The following JAKMIP1 variants were observed in gnomAD, a reference collection of about 807,000 sequenced individuals.
JAKMIP1 encodes the protein janus kinase and microtubule-interacting protein 1.
A neutral mutation model predicts 113.0 loss-of-function variants in JAKMIP1; 33 were observed. That is an observed-to-expected ratio of 0.29 (90% CI 0.22 to 0.39). The LOEUF (loss-of-function observed/expected upper bound fraction) is 0.39, where lower values mean the gene tolerates loss of function less well. Among genes scored for constraint, JAKMIP1 ranks in the 10% least tolerant of loss-of-function variants. The pLI, the probability that JAKMIP1 is intolerant of heterozygous loss-of-function variation, is 1.00. For synonymous variants in JAKMIP1, 480 were observed against 459.9 expected (o/e 1.04, Z -0.56); for missense variants, 813 against 1,080.5 (o/e 0.75, Z 3.47).
chr4:6,180,633 C>T lies in JAKMIP1; in HGVS notation c.-148+19620G>A, dbSNP rs1258470365. 6.6e-6 allele frequency among the ~76,000 whole-genome samples: 1 copy of T among 152,084 alleles called. No homozygotes were observed. The highest frequency in any genetic ancestry group is 2.4e-5 in the African/African-American group (1 of 41,396). ...TCCAAATTACCTAGTATTCTGCAGC[C>T]CTGTGACAAGGGTATTCTTAGTACC... On this transcript the variant is annotated intron_variant, in intron 1 of 20. Coordinates refer to ENST00000409021, the MANE Select transcript of JAKMIP1 (RefSeq NM_001099433.2). The surrounding 1 kb of genome is among the most constrained non-coding windows in gnomAD (Gnocchi z 4.5).
At position 6,159,088 on chromosome 4, in the gene JAKMIP1, C is replaced by CAAAAA. The variant is rs111279741; in HGVS notation, c.-148+41160_-148+41164dup. On this transcript the variant is annotated intron_variant, in intron 1 of 20. Coordinates refer to ENST00000409021, the MANE Select transcript of JAKMIP1 (RefSeq NM_001099433.2). ...TGGGTGACAGAGCAAGATCCTGTCTCAAAAAAAAAAAAAATTAATAAAAAA... is the reference window on the plus strand; with the variant it reads ...TGGGTGACAGAGCAAGATCCTGTCTCAAAAAAAAAAAAAAAAAAATTAATAAAAAA... 5.7e-3 allele frequency among the ~76,000 whole-genome samples: 812 copies of CAAAAA among 143,550 alleles called. 2 individuals are homozygous for CAAAAA. The highest frequency in any genetic ancestry group is 8.8e-3 in the South Asian group (39 of 4,422). 94.2% of individuals were successfully genotyped at this position (143,550 alleles called of 152,430 possible).
intron 1 of JAKMIP1, among the ~76,000 whole-genome samples, chr4:6,173,411 T>C (rs1330344823): frequency 6.6e-6 from 1 of 152,230 alleles, no homozygotes; most frequent in African/African-American, 2.4e-5. Context: ...TCTGGCTTTA[T>C]GTCAAAACTG....
At chr4:6,161,618 A>C (rs992364193) in intron 1 of JAKMIP1, among the ~76,000 whole-genome samples, 2 of 152,022 alleles carry the variant, frequency 1.3e-5, no homozygotes, top group Non-Finnish European at 2.9e-5. Context: ...AAGGAAGGCA[A>C]GGAACCCACA....
rs1406174428 is a variant in JAKMIP1, at chr4:6,085,457, G to A, written c.797C>T (p.Pro266Leu). The change falls in exon 4 of 21, where the codon CCC becomes CTC. Residue 266 changes from proline to leucine, a missense_variant. By Grantham distance (98) the Pro-to-Leu change is moderately conservative (BLOSUM62 -3). Around this residue, in one of 2 missense-constraint regions of JAKMIP1, gnomAD observed 540 missense variants for 653.9 expected, o/e 0.83. Coordinates refer to ENST00000409021, the MANE Select transcript of JAKMIP1 (RefSeq NM_001099433.2). ...HHSSPKRELP[P>L]GIGDMVELMG... The stretch of plus-strand genomic sequence containing the variant: ...GAGCTCCACCATGTCCCCGATCCCG[G>A]GCGGGAGCTCTCTCTTTGGACTACT... 1 of 1,613,946 alleles carries A rather than the reference G, an allele frequency of 6.2e-7. No homozygotes were observed. The highest frequency in any genetic ancestry group is 1.7e-5 in the Admixed American group (1 of 60,018).
Position 6,108,914 on chromosome 4 carries a change from G to A in JAKMIP1, c.130-2947C>T, listed in dbSNP as rs1299175982. ...TATATGGAAATATTTACAGGTATGC[G>A]TACATACGCAGGTCAGTATACACAT... On this transcript the variant is annotated intron_variant, in intron 2 of 20. Coordinates refer to ENST00000409021, the MANE Select transcript of JAKMIP1 (RefSeq NM_001099433.2). The surrounding 1 kb of genome is among the most constrained non-coding windows in gnomAD (Gnocchi z 5.6). 1.3e-5 allele frequency among the ~76,000 whole-genome samples: 2 copies of A among 152,236 alleles called. No individual in the cohort carries two copies. The highest frequency in any genetic ancestry group is 2.4e-5 in the African/African-American group (1 of 41,462).
In JAKMIP1 at chr4:6,097,818, C is replaced by T. The variant is rs752096642; in HGVS notation, c.624+7655G>A. The stretch of plus-strand genomic sequence containing the variant: ...CGCTTCCTTAGGCAGCTTGGAGAAA[C>T]GCAATCTGGTTCCCTTGATCAAAAG... On this transcript the variant is annotated intron_variant, in intron 3 of 20. Transcript: ENST00000409021. This position sits in a 1 kb window ranked among gnomAD's most constrained non-coding sequence, Gnocchi z 4.3. Among the ~76,000 whole-genome samples, 35 of 152,182 alleles carry T rather than the reference C, an allele frequency of 2.3e-4. No individual in the cohort carries two copies. Among genetic ancestry groups the T allele is most frequent in the Non-Finnish European group, 4.7e-4 (32 of 68,042 alleles).
intron 1 of JAKMIP1, among the ~76,000 whole-genome samples, chr4:6,126,335 A>AAC (rs766092663): frequency 1.6e-4 from 13 of 82,050 alleles, no homozygotes; most frequent in African/African-American, 2.1e-4. Flanking sequence ...ACCTTGCAGA[A>AAC]ACACACACAC....
chr4:6,112,632 A>C, intron 2 of JAKMIP1, 90 bp downstream of exon 2: 21 of 1,429,540 alleles, frequency 1.5e-5, no homozygotes, highest in Admixed American at 3.6e-5. Context: ...CCCCTCCTGG[A>C]ACAGGCTCTT....
rs1311947027 is a variant in JAKMIP1, at chr4:6,051,939, G to A, written c.1807-1260C>T. Among the ~76,000 whole-genome samples, 1 of 152,076 alleles carries A rather than the reference G, an allele frequency of 6.6e-6. No homozygotes were observed. Among genetic ancestry groups the A allele is most frequent in the Non-Finnish European group, 1.5e-5 (1 of 68,006 alleles). On this transcript the variant is annotated intron_variant, in intron 13 of 20. Coordinates refer to ENST00000409021, the MANE Select transcript of JAKMIP1 (RefSeq NM_001099433.2). The surrounding 1 kb of genome is among the most constrained non-coding windows in gnomAD (Gnocchi z 5.0). ...ACTGCTTTAGTTTGAGCAGAGTTAC[G>A]GTAAGGTAAAAAATAACATGCTTTG...
intron 1 of JAKMIP1, among the ~76,000 whole-genome samples, chr4:6,190,640 A>G (rs1727156646): frequency 6.6e-6 from 1 of 151,876 alleles, no homozygotes; most frequent in Non-Finnish European, 1.5e-5. Context: ...GCACGATGCC[A>G]GGCACCTGAG....
Position 6,137,149 on chromosome 4 carries a change from G to C in JAKMIP1, c.-147-24152C>G, listed in dbSNP as rs1177083229. On this transcript the variant is annotated intron_variant, in intron 1 of 20. Coordinates refer to ENST00000409021, the MANE Select transcript of JAKMIP1 (RefSeq NM_001099433.2). The surrounding 1 kb of genome is among the most constrained non-coding windows in gnomAD (Gnocchi z 4.5). ...CTATTTTCATGGTAAGGTGCTGCAT[G>C]CTCCCTTGCCTTGCAGAGCCTCCCC... Among the ~76,000 whole-genome samples the C allele has an allele frequency of 6.6e-6, 1 of 152,030 alleles. No individual in the cohort carries two copies. Among genetic ancestry groups the C allele is most frequent in the Non-Finnish European group, 1.5e-5 (1 of 67,990 alleles).
At chr4:6,112,685 G>A in intron 2 of JAKMIP1, 37 bp downstream of exon 2, 1 of 1,604,166 alleles carries the variant, frequency 6.2e-7, no homozygotes. Context: ...AGGGACATTT[G>A]CAGCCCAGCC....
Position 6,068,887 on chromosome 4 carries a change from C to T in JAKMIP1, c.1303-3879G>A, listed in dbSNP as rs551966053. Among the ~76,000 whole-genome samples the T allele has an allele frequency of 7.2e-5, 11 of 152,144 alleles. 1 individual carries two copies. The East Asian group carries it at 2.1e-3, about 29-fold the overall frequency. ...GCCCAGCCTTAACATTTTTTTATAA[C>T]ATTTTATAACACTGGGTTAGTGTTT... On this transcript the variant is annotated intron_variant, in intron 8 of 20. Transcript: ENST00000409021.
intron 8 of JAKMIP1, among the ~76,000 whole-genome samples, chr4:6,071,598 C>T (rs373498647): frequency 6.6e-6 from 1 of 152,230 alleles, no homozygotes; most frequent in East Asian, 1.9e-4. Flanking sequence ...CCCAAGTCTG[C>T]AAATGGGAGT....
At position 6,137,349 on chromosome 4, in the gene JAKMIP1, T is replaced by G. The variant is rs1719393277; in HGVS notation, c.-147-24352A>C. Among the ~76,000 whole-genome samples the G allele has an allele frequency of 6.6e-6, 1 of 152,184 alleles. No homozygotes were observed. Among genetic ancestry groups the G allele is most frequent in the Admixed American group, 6.5e-5 (1 of 15,280 alleles). On this transcript the variant is annotated intron_variant, in intron 1 of 20. Transcript: ENST00000409021. This position sits in a 1 kb window ranked among gnomAD's most constrained non-coding sequence, Gnocchi z 4.5. The stretch of plus-strand genomic sequence containing the variant: ...CGCTGGCATTTTCCTAACAGACGGA[T>G]CAGCTTTAGACGGCACTGTTCCCGT...
At chr4:6,039,284 G>C (rs1462413089) in intron 18 of JAKMIP1, among the ~76,000 whole-genome samples, 1 of 152,186 alleles carries the variant, frequency 6.6e-6, no homozygotes, top group Admixed American at 6.5e-5. Context: ...AGTTCTGCAA[G>C]ATGTCCCTTG....
In JAKMIP1 at chr4:6,105,844, G is replaced by T. The variant is rs771074394; in HGVS notation, c.253C>A (p.Gln85Lys). ...KLHEEKTKEL[Q>K]ALREGLIRQH... ...CGGATGAGCCCCTCGCGCAGCGCCTGCAGCTCCTTGGTCTTCTCCTCATGC... is the reference window on the plus strand; with the variant it reads ...CGGATGAGCCCCTCGCGCAGCGCCTTCAGCTCCTTGGTCTTCTCCTCATGC... Residue 85 changes from glutamine to lysine, a missense_variant, in exon 3 of 21, where the codon CAG becomes AAG. This residue lies in a region of JAKMIP1 where 540 missense variants were observed against 653.9 expected (regional missense o/e 0.83). Transcript: ENST00000409021. 2 of 1,611,716 alleles carry T rather than the reference G, an allele frequency of 1.2e-6. No homozygotes were observed. Among genetic ancestry groups the T allele is most frequent in the Non-Finnish European group, 1.7e-6 (2 of 1,179,850 alleles).
rs149734849 is a variant in JAKMIP1, at chr4:6,129,568, C to T, written c.-147-16571G>A. On this transcript the variant is annotated intron_variant, in intron 1 of 20. Coordinates refer to ENST00000409021, the MANE Select transcript of JAKMIP1 (RefSeq NM_001099433.2). This position sits in a 1 kb window ranked among gnomAD's most constrained non-coding sequence, Gnocchi z 5.4. ...CTGGTACAGGGACCAGGATACCAAG[C>T]AGGACCCACCGTGCCCTGCCCTCAT... Among the ~76,000 whole-genome samples the T allele has an allele frequency of 5.7e-3, 867 of 152,262 alleles. 19 individuals are homozygous for T. Among genetic ancestry groups the T allele is most frequent in the East Asian group, 0.031 (161 of 5,172 alleles).
rs1714151619 is a variant in JAKMIP1, at chr4:6,040,316, G to A, written c.2175+323C>T. On this transcript the variant is annotated intron_variant, in intron 18 of 20. Coordinates refer to ENST00000409021, the MANE Select transcript of JAKMIP1 (RefSeq NM_001099433.2). This position sits in a 1 kb window ranked among gnomAD's most constrained non-coding sequence, Gnocchi z 5.8. ...TCCTATTTATAGGAAAACTTGCTTT[G>A]GGACTTTAAGTCTAAATATTTAAGT... Among the ~76,000 whole-genome samples the A allele has an allele frequency of 6.6e-6, 1 of 152,034 alleles. No homozygotes were observed. The highest frequency in any genetic ancestry group is 2.1e-4 in the South Asian group (1 of 4,822).
Sources: gnomAD v4.1 joint callset for allele counts (sites outside exome capture counted in the v4.1 genomes callset) on GRCh38, gnomAD v4.1.1 for gene constraint, gnomAD v4.1.1 regional missense constraint, Gnocchi (gnomAD v3.1) non-coding constraint, MANE v1.5 for transcripts, NCBI Gene and HGNC (gene_info 2026-07-23, HGNC 2026-07-21) for gene names.